Variants in PCDH9 observed in about 807,000 individuals in gnomAD.
The protein encoded by PCDH9 is protocadherin 9.
A neutral mutation model predicts 70.6 loss-of-function variants in PCDH9; 24 were observed. The ratio of observed to expected loss-of-function variants is 0.34; its 90% confidence interval spans 0.25 to 0.48. The LOEUF is 0.48. Among genes scored for constraint, PCDH9 ranks in the 20% least tolerant of loss-of-function variants. The pLI is 0.99. For missense variants in PCDH9, 1,281 were observed against 1,503.6 expected (o/e 0.85, Z 2.45); for synonymous variants, 562 against 558.5 (o/e 1.01, Z -0.09).
chr13:66,577,935 A>G (rs1455545497), intron 4 of PCDH9, among the ~76,000 whole-genome samples: 3 of 152,082 alleles, frequency 2.0e-5, no homozygotes, highest in Non-Finnish European at 4.4e-5. Context: ...GCTGATGCTG[A>G]GGGAAAGGTG....
intron 4 of PCDH9, among the ~76,000 whole-genome samples, chr13:66,386,097 C>T (rs1170802196): frequency 6.6e-6 from 1 of 151,720 alleles, no homozygotes. Flanking sequence ...TATAAATACA[C>T]AAATATTTTT....
At chr13:66,608,562 C>T (rs547685857) in intron 4 of PCDH9, among the ~76,000 whole-genome samples, 3 of 152,010 alleles carry the variant, frequency 2.0e-5, no homozygotes, top group South Asian at 2.1e-4. Context: ...TTCACTCAAA[C>T]CTCCAATTCC....
intron 2 of PCDH9, among the ~76,000 whole-genome samples, chr13:66,965,973 A>C (rs2083428331): frequency 6.6e-6 from 1 of 152,126 alleles, no homozygotes; most frequent in Non-Finnish European, 1.5e-5. Flanking sequence ...CATTTTCAAG[A>C]ATTGAATTTA....
intron 3 of PCDH9, among the ~76,000 whole-genome samples, chr13:66,854,592 A>T (rs761225041): frequency 6.6e-6 from 1 of 152,026 alleles, no homozygotes; most frequent in Non-Finnish European, 1.5e-5. Flanking sequence ...TATTGTAACC[A>T]AGTGTCTTTT....
intron 2 of PCDH9, among the ~76,000 whole-genome samples, chr13:66,959,750 CAAAA>C (rs5804305): frequency 7.7e-6 from 1 of 129,220 alleles, no homozygotes; most frequent in Non-Finnish European, 1.7e-5. Flanking sequence ...GACCCCGTCT[CAAAA>C]AAAAAAAAAA....
chr13:67,133,752 A>T (rs1200332726), intron 2 of PCDH9, among the ~76,000 whole-genome samples: 1 of 151,482 alleles, frequency 6.6e-6, no homozygotes, highest in Non-Finnish European at 1.5e-5. Context: ...AAAGGTTATT[A>T]AAAAAATGAC....
intron 4 of PCDH9, among the ~76,000 whole-genome samples, chr13:66,477,216 C>G (rs1444831444): frequency 6.6e-6 from 1 of 152,112 alleles, no homozygotes; most frequent in East Asian, 1.9e-4. Flanking sequence ...GTCAGACATA[C>G]CTGAAGGGTC....
chr13:67,076,102 A>C lies in PCDH9; in HGVS notation c.3036+149303T>G, dbSNP rs141654233. On this transcript the variant is annotated intron_variant, in intron 2 of 4. Transcript: ENST00000377865. Reference sequence around the variant, plus strand: ...TTTCAACCATTTCAAAAAAGAAATGATTAGTATGATCACCAAATAATAGTA... The same window carrying C: ...TTTCAACCATTTCAAAAAAGAAATGCTTAGTATGATCACCAAATAATAGTA... Among the ~76,000 whole-genome samples the C allele has an allele frequency of 5.9e-5, 9 of 152,316 alleles. No individual in the cohort carries two copies. The East Asian group carries it at 1.7e-3, about 29-fold the overall frequency.
intron 4 of PCDH9, among the ~76,000 whole-genome samples, chr13:66,431,901 T>G (rs1345989371): frequency 6.6e-6 from 1 of 152,048 alleles, no homozygotes; most frequent in Non-Finnish European, 1.5e-5. Flanking sequence ...ACAAGTGGAA[T>G]GACAAGACAA....
At chr13:66,680,533 G>C (rs1035044999) in intron 3 of PCDH9, among the ~76,000 whole-genome samples, 1 of 151,860 alleles carries the variant, frequency 6.6e-6, no homozygotes, top group African/African-American at 2.4e-5. Flanking sequence ...TTTTCTAGGA[G>C]TTTGCTATTT....
At chr13:67,198,849 T>C (rs1271958251) in intron 2 of PCDH9, among the ~76,000 whole-genome samples, 1 of 151,852 alleles carries the variant, frequency 6.6e-6, no homozygotes, top group African/African-American at 2.4e-5. Context: ...CAAAAGTGGC[T>C]ATAGGAGAAA....
At chr13:66,408,575 T>C (rs1028127602) in intron 4 of PCDH9, among the ~76,000 whole-genome samples, 1 of 152,256 alleles carries the variant, frequency 6.6e-6, no homozygotes, top group South Asian at 2.1e-4. Context: ...TTTCATTAAA[T>C]AGTAGAACCT....
chr13:66,626,616 T>C (rs1171515672), intron 4 of PCDH9, among the ~76,000 whole-genome samples: 4 of 152,134 alleles, frequency 2.6e-5, no homozygotes, highest in South Asian at 2.1e-4. Context: ...GTTTCTGTCA[T>C]ACCAATGCAA....
chr13:66,986,560 T>A lies in PCDH9; in HGVS notation c.3037-82955A>T, dbSNP rs143944354. 1.4e-4 allele frequency among the ~76,000 whole-genome samples: 22 copies of A among 152,074 alleles called. No homozygotes were observed. In the East Asian group the frequency reaches 4.1e-3, roughly 28 times the overall value. On this transcript the variant is annotated intron_variant, in intron 2 of 4. Coordinates refer to ENST00000377865, the MANE Select transcript of PCDH9 (RefSeq NM_203487.3). ...TAAGCAAAGTCCAAATACTAGATAG[T>A]TCATTTACACAATTGAAGAGGAGAA...
chr13:66,840,559 A>G (rs2081099502), intron 3 of PCDH9, among the ~76,000 whole-genome samples: 3 of 152,242 alleles, frequency 2.0e-5, no homozygotes, highest in Admixed American at 2.0e-4. Flanking sequence ...AGTTAAAGAT[A>G]AAACATTCTC....
At chr13:66,599,762 T>C (rs2077144186) in intron 4 of PCDH9, among the ~76,000 whole-genome samples, 1 of 151,800 alleles carries the variant, frequency 6.6e-6, no homozygotes, top group Non-Finnish European at 1.5e-5. Flanking sequence ...AGTGCTGAGA[T>C]TGTACTCTTT....
chr13:66,514,089 G>A (rs538133903), intron 4 of PCDH9, among the ~76,000 whole-genome samples: 1 of 152,200 alleles, frequency 6.6e-6, no homozygotes, highest in East Asian at 1.9e-4. Context: ...GGTAGATGCA[G>A]ACTGAATGGA....
intron 4 of PCDH9, among the ~76,000 whole-genome samples, chr13:66,475,768 T>C (rs1958714170): frequency 6.6e-6 from 1 of 152,214 alleles, no homozygotes; most frequent in Non-Finnish European, 1.5e-5. Flanking sequence ...GAAAGGGAGA[T>C]GTAAGACCTA....
intron 2 of PCDH9, among the ~76,000 whole-genome samples, chr13:67,115,828 A>C (rs2086756721): frequency 6.6e-6 from 1 of 152,216 alleles, no homozygotes; most frequent in African/African-American, 2.4e-5. Flanking sequence ...ATTAAATAAA[A>C]TATTTGACAG....
Sources: gnomAD v4.1 joint callset for allele counts (sites outside exome capture counted in the v4.1 genomes callset) on GRCh38, gnomAD v4.1.1 for gene constraint, MANE v1.5 for transcripts, NCBI Gene and HGNC (gene_info 2026-07-23, HGNC 2026-07-21) for gene names.